Variants in KIAA1217 observed in about 807,000 individuals in gnomAD.
KIAA1217 encodes the protein KIAA1217, also known as sickle tail protein homolog.
A neutral mutation model predicts 163.9 loss-of-function variants in KIAA1217; 88 were observed. The ratio of observed to expected loss-of-function variants is 0.54; its 90% CI spans 0.45 to 0.64. The LOEUF (loss-of-function observed/expected upper bound fraction) is 0.64, where lower values mean the gene tolerates loss of function less well. Among genes scored for constraint, KIAA1217 ranks in the 30% least tolerant of loss-of-function variants. The pLI is 0.00. For missense variants in KIAA1217, 2,372 were observed against 2,475.0 expected (o/e 0.96, Z 0.88); for synonymous variants, 903 against 923.1 (o/e 0.98, Z 0.39).
chr10:24,189,870 A>G (rs1196665439), intron 2 of KIAA1217, among the ~76,000 whole-genome samples: 1 of 151,994 alleles, frequency 6.6e-6, no homozygotes, highest in Non-Finnish European at 1.5e-5. Flanking sequence ...AAATTTTAAA[A>G]ATTAGCTGGG....
chr10:24,540,561 G>A (rs1244585921), intron 17 of KIAA1217, among the ~76,000 whole-genome samples: 1 of 151,988 alleles, frequency 6.6e-6, no homozygotes, highest in Non-Finnish European at 1.5e-5. Context: ...AATGGCACAG[G>A]CCATGACCAA....
chr10:24,193,669 G>T (rs777799606), intron 2 of KIAA1217, among the ~76,000 whole-genome samples: 1 of 152,138 alleles, frequency 6.6e-6, no homozygotes, highest in East Asian at 1.9e-4. Flanking sequence ...GCAGAACTGC[G>T]CTAATCCAGA....
At chr10:23,971,861 G>C (rs374822255) in intron 1 of KIAA1217, among the ~76,000 whole-genome samples, 2 of 152,040 alleles carry the variant, frequency 1.3e-5, no homozygotes, top group East Asian at 3.9e-4. Context: ...CTACCTGGAG[G>C]CTTCATCTGC....
In KIAA1217 at chr10:24,384,380, C is replaced by G. The variant is rs113040543; in HGVS notation, c.553+3313C>G. 2.0e-3 allele frequency among the ~76,000 whole-genome samples: 298 copies of G among 152,142 alleles called. 1 individual carries two copies. The highest frequency in any genetic ancestry group is 6.7e-3 in the African/African-American group (279 of 41,510). The stretch of plus-strand genomic sequence containing the variant: ...AGTTCCCATACACCCTTGGCCTCCA[C>G]GCATGAACAGCCTCCCCCATGATCA... On this transcript the variant is annotated intron_variant, in intron 3 of 20. Transcript: ENST00000376454.
chr10:23,750,629 G>A (rs1004353390), intron 1 of KIAA1217, among the ~76,000 whole-genome samples: 5 of 152,064 alleles, frequency 3.3e-5, no homozygotes, highest in Non-Finnish European at 7.4e-5. Context: ...GCCTTTGACG[G>A]AAGGCACTCA....
At chr10:24,355,577 T>G (rs899822513) in intron 2 of KIAA1217, among the ~76,000 whole-genome samples, 2 of 151,910 alleles carry the variant, frequency 1.3e-5, no homozygotes, top group Non-Finnish European at 2.9e-5. Flanking sequence ...TTCCAAATAC[T>G]ATCACATTGG....
intron 1 of KIAA1217, among the ~76,000 whole-genome samples, chr10:23,985,164 C>T (rs1010328199): frequency 1.6e-4 from 25 of 152,100 alleles, no homozygotes; most frequent in African/African-American, 5.8e-4. Flanking sequence ...GTACTAATAC[C>T]AAGGTCTTGA....
intron 2 of KIAA1217, among the ~76,000 whole-genome samples, chr10:24,048,759 G>T (rs565922843): frequency 6.8e-6 from 1 of 147,182 alleles, no homozygotes; most frequent in African/African-American, 2.5e-5. Context: ...TTGGCCGGGC[G>T]CAGTGGCTCA....
At position 24,466,172 on chromosome 10, in the gene KIAA1217, G is replaced by C. The variant is rs540882265; in HGVS notation, c.847-7056G>C. Reference sequence around the variant, plus strand: ...GGCAGCAAAGTGGGTATTGGGTGCTGGTCTAGGTTTTTGCAGTAGCACCTT... The same window carrying C: ...GGCAGCAAAGTGGGTATTGGGTGCTCGTCTAGGTTTTTGCAGTAGCACCTT... On this transcript the variant is annotated intron_variant, in intron 5 of 20. Coordinates refer to ENST00000376454, the MANE Select transcript of KIAA1217 (RefSeq NM_019590.5). Among the ~76,000 whole-genome samples, 6 of 152,060 alleles carry C rather than the reference G, an allele frequency of 3.9e-5. No homozygotes were observed. In the South Asian group the frequency reaches 1.2e-3, roughly 32 times the overall value.
chr10:24,470,473 A>ACCT (rs1407778870), intron 5 of KIAA1217, among the ~76,000 whole-genome samples: 1 of 152,116 alleles, frequency 6.6e-6, no homozygotes, highest in Non-Finnish European at 1.5e-5. Context: ...CTGGAGCCTG[A>ACCT]CCTCGAACCT....
chr10:24,370,149 C>A (rs2051386147), intron 2 of KIAA1217, among the ~76,000 whole-genome samples: 1 of 151,678 alleles, frequency 6.6e-6, no homozygotes, highest in African/African-American at 2.4e-5. Context: ...CCTGTAGTCC[C>A]AGCTACTCGG....
intron 2 of KIAA1217, among the ~76,000 whole-genome samples, chr10:24,182,447 C>CACACACACAA (rs2066225040): frequency 6.6e-6 from 1 of 151,616 alleles, no homozygotes; most frequent in African/African-American, 2.4e-5. Context: ...ATCACACACA[C>CACACACACAA]ACACACACAC....
At chr10:24,224,378 C>T (rs1201040506) in intron 2 of KIAA1217, among the ~76,000 whole-genome samples, 1 of 151,730 alleles carries the variant, frequency 6.6e-6, no homozygotes, top group Non-Finnish European at 1.5e-5. Context: ...CTCTTTCAGT[C>T]ACCCAGGCTG....
Position 24,340,968 on chromosome 10 carries a change from T to C in KIAA1217, c.355-39901T>C, listed in dbSNP as rs76819044. The stretch of plus-strand genomic sequence containing the variant: ...TTGTAAATGTGTCTGACACATGTTA[T>C]GCGCCGATAGTTCTCCGTCATGTAA... On this transcript the variant is annotated intron_variant, in intron 2 of 20. Coordinates refer to ENST00000376454, the MANE Select transcript of KIAA1217 (RefSeq NM_019590.5). 5.5e-3 allele frequency among the ~76,000 whole-genome samples: 843 copies of C among 152,356 alleles called. 6 individuals are homozygous for C. Among genetic ancestry groups the C allele is most frequent in the African/African-American group, 0.019 (775 of 41,586 alleles).
At chr10:24,443,278 T>G (rs906096319) in intron 5 of KIAA1217, among the ~76,000 whole-genome samples, 4 of 152,266 alleles carry the variant, frequency 2.6e-5, no homozygotes, top group Admixed American at 1.3e-4. Context: ...TTACAGATGA[T>G]GAGACAGCTC....
chr10:24,510,812 G>T (rs1312525053), intron 9 of KIAA1217, among the ~76,000 whole-genome samples: 1 of 152,192 alleles, frequency 6.6e-6, no homozygotes, highest in Non-Finnish European at 1.5e-5. Context: ...AGGCACAGGA[G>T]AGCTGATCCC....
chr10:23,787,984 CAGG>C (rs1243553302), intron 1 of KIAA1217, among the ~76,000 whole-genome samples: 1 of 151,966 alleles, frequency 6.6e-6, no homozygotes, highest in East Asian at 1.9e-4. Context: ...CAGTTGAGGC[CAGG>C]AGTTCAGGCC....
chr10:24,124,800 A>G (rs1174826936), intron 2 of KIAA1217, among the ~76,000 whole-genome samples: 1 of 152,186 alleles, frequency 6.6e-6, no homozygotes, highest in East Asian at 1.9e-4. Flanking sequence ...GTTTTATAAA[A>G]TATCCGTTCT....
rs1491172468 is a variant in KIAA1217 at position 23,790,391 on chromosome 10, GTA to G, written c.-321+95164_-321+95165del. 1.1e-4 allele frequency among the ~76,000 whole-genome samples: 10 copies of G among 90,664 alleles called. 2 individuals are homozygous for G. The highest frequency in any genetic ancestry group is 8.0e-4 in the Admixed American group (7 of 8,756). 59.5% of individuals were successfully genotyped at this position (90,664 alleles called of 152,430 possible). On this transcript the variant is annotated intron_variant, in intron 1 of 18. Coordinates refer to the KIAA1217 transcript ENST00000376462. ...CATATACATATGTATATATACATAT[GTA>G]TATATACATATATACATATACATAT...
Sources: gnomAD v4.1 joint callset for allele counts (sites outside exome capture counted in the v4.1 genomes callset) on GRCh38, gnomAD v4.1.1 for gene constraint, MANE v1.5 for transcripts, NCBI Gene and HGNC (gene_info 2026-07-23, HGNC 2026-07-21) for gene names.